The following PARD3B variants were observed in gnomAD, a reference collection of about 807,000 sequenced individuals.
The protein encoded by PARD3B is partitioning defective 3 homolog B.
In PARD3B, 103 loss-of-function variants were observed where a neutral mutation model predicts 130.2. That is an observed-to-expected ratio of 0.79 (90% CI 0.67 to 0.93). PARD3B has a LOEUF of 0.93. PARD3B is among the 40% of genes least tolerant of loss of function. The pLI is 0.00. For missense variants in PARD3B, 1,609 were observed against 1,499.2 expected, an observed-to-expected ratio of 1.07 and a Z score of -1.21; for synonymous variants, 583 against 553.2, an observed-to-expected ratio of 1.05 and a Z score of -0.76.
intron 13 of PARD3B, among the ~76,000 whole-genome samples, chr2:205,179,656 A>T (rs764245060): frequency 1.3e-5 from 2 of 152,206 alleles, no homozygotes; most frequent in Non-Finnish European, 1.5e-5. Context: ...GAGTAAGTAC[A>T]CTATGATGTT....
rs2042315598 is a variant in PARD3B at position 205,309,909 on chromosome 2, TATCTATCTATCTATC to T, written c.2630+8209_2630+8223del. On this transcript the variant is annotated intron_variant, in intron 18 of 22. Transcript: ENST00000406610. This position sits in a 1 kb window ranked among gnomAD's most constrained non-coding sequence, Gnocchi z 4.7. ...CTTCTTATCCATCTATCTATCTATC[TATCTATCTATCTATC>T]TATCATCTATTTTTCATTGGAAAGT... Among the ~76,000 whole-genome samples the T allele has an allele frequency of 2.9e-4, 10 of 34,922 alleles. No individual in the cohort carries two copies. In the South Asian group the frequency reaches 0.03, roughly 105 times the overall value. 22.9% of individuals were successfully genotyped at this position (34,922 alleles called of 152,430 possible).
chr2:205,191,584 T>C (rs972185794), intron 14 of PARD3B, among the ~76,000 whole-genome samples: 8 of 152,230 alleles, frequency 5.3e-5, no homozygotes, highest in African/African-American at 1.7e-4. Context: ...ACTGATCTGC[T>C]TATTTGTTAA....
At chr2:205,224,381 AAAAAAAAG>A (rs1295203412) in intron 15 of PARD3B, among the ~76,000 whole-genome samples, 1 of 148,866 alleles carries the variant, frequency 6.7e-6, no homozygotes, top group Non-Finnish European at 1.5e-5. Flanking sequence ...AAAAAAAAAA[AAAAAAAAG>A]AAAGAAAGAA....
At chr2:204,843,413 C>CT (rs1012981128) in intron 2 of PARD3B, among the ~76,000 whole-genome samples, 5 of 151,830 alleles carry the variant, frequency 3.3e-5, no homozygotes, top group Admixed American at 1.3e-4. Flanking sequence ...TCTCCTTTTT[C>CT]TTTTTTTTCT....
intron 21 of PARD3B, among the ~76,000 whole-genome samples, chr2:205,518,406 A>G (rs900239606): frequency 4.6e-5 from 7 of 151,864 alleles, no homozygotes; most frequent in African/African-American, 1.4e-4. Context: ...TGCAGCCTCT[A>G]CTGTTTTCTG....
At chr2:205,574,809 A>G (rs1217812925) in intron 22 of PARD3B, among the ~76,000 whole-genome samples, 1 of 149,884 alleles carries the variant, frequency 6.7e-6, no homozygotes, top group Non-Finnish European at 1.5e-5. Flanking sequence ...GAAGGTAAGG[A>G]GACATGGGGA....
chr2:204,809,308 T>G (rs986534866), intron 2 of PARD3B, among the ~76,000 whole-genome samples: 3 of 152,220 alleles, frequency 2.0e-5, no homozygotes, highest in Non-Finnish European at 4.4e-5. Flanking sequence ...TTTTTGCTTT[T>G]GTTACAATTG....
Position 205,458,876 on chromosome 2 carries a change from GC to G in PARD3B, c.3044+18206del, listed in dbSNP as rs2048358587. The stretch of plus-strand genomic sequence containing the variant: ...AATATGTCCCATTAAGGGACACATT[GC>G]CTTAATGCAGTCTTTGATTGAGATC... On this transcript the variant is annotated intron_variant, in intron 20 of 22. Coordinates refer to ENST00000406610, the MANE Select transcript of PARD3B (RefSeq NM_001302769.2). This position sits in a 1 kb window ranked among gnomAD's most constrained non-coding sequence, Gnocchi z 4.8. Among the ~76,000 whole-genome samples the G allele has an allele frequency of 6.6e-6, 1 of 152,284 alleles. No individual in the cohort carries two copies. Among genetic ancestry groups the G allele is most frequent in the East Asian group, 1.9e-4 (1 of 5,178 alleles).
rs914369131 is a variant in PARD3B at position 205,563,314 on chromosome 2, G to A, written c.3260+9911G>A. ...CCTTCTATGTCTGTACGTTTTGCAT[G>A]CCTTGTCTCATTTTATCCTCACTGT... On this transcript the variant is annotated intron_variant, in intron 22 of 22. Transcript: ENST00000406610. The surrounding 1 kb of genome is among the most constrained non-coding windows in gnomAD (Gnocchi z 4.2). Among the ~76,000 whole-genome samples the A allele has an allele frequency of 1.3e-5, 2 of 152,130 alleles. No homozygotes were observed. Among genetic ancestry groups the A allele is most frequent in the Non-Finnish European group, 2.9e-5 (2 of 68,038 alleles).
At chr2:205,485,252 C>T (rs1323067172) in intron 20 of PARD3B, among the ~76,000 whole-genome samples, 1 of 152,130 alleles carries the variant, frequency 6.6e-6, no homozygotes, top group Non-Finnish European at 1.5e-5. Flanking sequence ...GGAAATTTAT[C>T]ATTATATTGC....
chr2:204,923,464 C>T (rs1372194022), intron 2 of PARD3B, among the ~76,000 whole-genome samples: 1 of 151,778 alleles, frequency 6.6e-6, no homozygotes, highest in Non-Finnish European at 1.5e-5. Context: ...TAGATTTTAA[C>T]TTAAAAATAT....
chr2:204,859,451 C>G (rs1017310358), intron 2 of PARD3B, among the ~76,000 whole-genome samples: 31 of 152,050 alleles, frequency 2.0e-4, no homozygotes, highest in Non-Finnish European at 1.2e-4. Flanking sequence ...AGCACCCTCC[C>G]CCATTTATAA....
At chr2:204,724,015 C>A (rs774630412) in intron 2 of PARD3B, among the ~76,000 whole-genome samples, 2 of 152,136 alleles carry the variant, frequency 1.3e-5, no homozygotes, top group African/African-American at 2.4e-5. Flanking sequence ...CTTCAAATTA[C>A]TGACCTTATG....
intron 15 of PARD3B, among the ~76,000 whole-genome samples, chr2:205,214,976 T>C (rs1391742909): frequency 6.6e-6 from 1 of 152,136 alleles, no homozygotes; most frequent in East Asian, 1.9e-4. Flanking sequence ...CTCAGTCTAA[T>C]TGTCCACCCC....
Position 205,268,236 on chromosome 2 carries a change from G to A in PARD3B, c.2185+22414G>A, listed in dbSNP as rs1318716924. Among the ~76,000 whole-genome samples the A allele has an allele frequency of 2.6e-5, 4 of 152,332 alleles. No individual in the cohort carries two copies. In the East Asian group the frequency reaches 5.8e-4, roughly 22 times the overall value. Reference sequence around the variant, plus strand: ...AAATAAATTAGCAGTTTTGCATCACGATGTCTTGTGACATACATGCATTAG... The same window carrying A: ...AAATAAATTAGCAGTTTTGCATCACAATGTCTTGTGACATACATGCATTAG... On this transcript the variant is annotated intron_variant, in intron 16 of 22. Coordinates refer to ENST00000406610, the MANE Select transcript of PARD3B (RefSeq NM_001302769.2). The surrounding 1 kb of genome is among the most constrained non-coding windows in gnomAD (Gnocchi z 4.1).
At chr2:204,800,928 A>G (rs2042544946) in intron 2 of PARD3B, among the ~76,000 whole-genome samples, 1 of 152,162 alleles carries the variant, frequency 6.6e-6, no homozygotes. Flanking sequence ...TTTTCCTCGT[A>G]TGGCTAGCCA....
chr2:204,672,129 T>C (rs2036333524), intron 1 of PARD3B, among the ~76,000 whole-genome samples: 1 of 152,228 alleles, frequency 6.6e-6, no homozygotes, highest in Non-Finnish European at 1.5e-5. Flanking sequence ...CAATACTACA[T>C]TGTTTTTCAT....
chr2:205,423,611 G>A (rs1229510296), intron 19 of PARD3B, among the ~76,000 whole-genome samples: 1 of 152,132 alleles, frequency 6.6e-6, no homozygotes, highest in Non-Finnish European at 1.5e-5. Flanking sequence ...AAATACTGTG[G>A]TTTACATATG....
At chr2:205,323,677 A>G (rs564271183) in intron 18 of PARD3B, among the ~76,000 whole-genome samples, 1 of 152,306 alleles carries the variant, frequency 6.6e-6, no homozygotes, top group Non-Finnish European at 1.5e-5. Flanking sequence ...GCCCTGAAGG[A>G]TACAAATCTC....
Sources: allele counts gnomAD v4.1 joint callset (sites outside exome capture counted in the v4.1 genomes callset), GRCh38; gene constraint gnomAD v4.1.1; non-coding constraint Gnocchi (gnomAD v3.1); transcripts MANE v1.5; gene names NCBI Gene and HGNC (gene_info 2026-07-23, HGNC 2026-07-21).